Variants in LRFN5 observed in about 807,000 individuals in gnomAD.
LRFN5 encodes leucine-rich repeat and fibronectin type-III domain-containing protein 5.
In LRFN5, 24 loss-of-function variants were observed where a neutral mutation model predicts 45.6. That is an observed-to-expected ratio of 0.53 (90% CI 0.38 to 0.74). LRFN5 has a LOEUF of 0.74. LRFN5 is among the 30% of genes least tolerant of loss of function. The probability of loss-of-function intolerance (pLI) is 0.00; values close to 1 mark genes in which losing one functional copy is unlikely to be tolerated. For missense variants in LRFN5, 776 were observed against 861.5 expected (o/e 0.90, Z 1.24); for synonymous variants, 340 against 313.8 (o/e 1.08, Z -0.88).
chr14:41,856,823 C>T (rs1258029044), intron 2 of LRFN5, among the ~76,000 whole-genome samples: 3 of 146,822 alleles, frequency 2.0e-5, no homozygotes, highest in Non-Finnish European at 4.5e-5. Flanking sequence ...ACTACAGGCG[C>T]CCGCCACTGC....
chr14:41,891,167 A>G (rs1201776332), intron 3 of LRFN5, 83 bp from the exon 4 acceptor site: 1 of 1,006,618 alleles, frequency 9.9e-7, no homozygotes, highest in South Asian at 1.4e-5. Flanking sequence ...TACTGAAATG[A>G]CACTGAACTA....
intron 1 of LRFN5, among the ~76,000 whole-genome samples, chr14:41,706,351 CG>C (rs1326247999): frequency 6.6e-6 from 1 of 152,162 alleles, no homozygotes; most frequent in Non-Finnish European, 1.5e-5. Context: ...CCTCCAACCT[CG>C]GCCTCCCAAA....
chr14:41,751,624 A>C (rs1031874425), intron 1 of LRFN5, among the ~76,000 whole-genome samples: 2 of 152,034 alleles, frequency 1.3e-5, no homozygotes, highest in Admixed American at 1.3e-4. Context: ...CACTCTGAGG[A>C]TGCAGAGAAG....
rs1887918364 is a variant in LRFN5 at position 41,616,119 on chromosome 14, A to G, written c.-197+7557A>G. 2.0e-5 allele frequency among the ~76,000 whole-genome samples: 3 copies of G among 152,120 alleles called. No individual in the cohort carries two copies. The South Asian group carries it at 6.2e-4, about 31-fold the overall frequency. Reference sequence around the variant, plus strand: ...TTAAATCTTTCCCAATAAATAGAGAAAATTCACTCATACATTTTAATGTTA... The same window carrying G: ...TTAAATCTTTCCCAATAAATAGAGAGAATTCACTCATACATTTTAATGTTA... On this transcript the variant is annotated intron_variant, in intron 1 of 5. Transcript: ENST00000298119.
intron 2 of LRFN5, among the ~76,000 whole-genome samples, chr14:41,776,372 C>T (rs567232027): frequency 1.3e-5 from 2 of 152,032 alleles, no homozygotes; most frequent in Admixed American, 6.5e-5. Context: ...GTGAGTATCC[C>T]CGTTTTGGTG....
At chr14:41,690,798 G>GA (rs898384073) in intron 1 of LRFN5, among the ~76,000 whole-genome samples, 18 of 151,982 alleles carry the variant, frequency 1.2e-4, no homozygotes, top group African/African-American at 4.1e-4. Flanking sequence ...AATTTGGTGA[G>GA]AAAAAATAAA....
chr14:41,690,439 G>A (rs79700928), intron 1 of LRFN5, among the ~76,000 whole-genome samples: 5,076 of 152,182 alleles, frequency 0.033, 143 homozygotes, highest in African/African-American at 0.085. Flanking sequence ...TGTAGTCGCA[G>A]CTACTCAAGA....
chr14:41,904,267 A>G lies in LRFN5; in HGVS notation c.*92A>G. The G allele has an allele frequency of 3.5e-6, 5 of 1,408,902 alleles. No individual in the cohort carries two copies. The highest frequency in any genetic ancestry group is 5.0e-6 in the Non-Finnish European group (5 of 1,002,678). 87.3% of individuals were successfully genotyped at this position (1,408,902 alleles called of 1,614,324 possible). On this transcript the variant is annotated 3_prime_UTR_variant, in exon 6 of 6. Transcript: ENST00000298119. ...AAAATGTTTCAATTCACAAAGGCTA[A>G]TTGTTGAACTGGTGTCGTAGAAGAA...
intron 1 of LRFN5, among the ~76,000 whole-genome samples, chr14:41,696,158 G>A (rs541051105): frequency 2.0e-5 from 3 of 152,004 alleles, no homozygotes; most frequent in South Asian, 2.1e-4. Flanking sequence ...AAAAATAGAA[G>A]TGGAGCCTGA....
intron 1 of LRFN5, among the ~76,000 whole-genome samples, chr14:41,757,137 C>G (rs1204372928): frequency 6.6e-6 from 1 of 152,132 alleles, no homozygotes; most frequent in Non-Finnish European, 1.5e-5. Context: ...CAGAGGAGTA[C>G]CCGGCCGTGT....
chr14:41,670,294 T>G (rs1304684353), intron 1 of LRFN5, among the ~76,000 whole-genome samples: 1 of 64,648 alleles, frequency 1.5e-5, no homozygotes, highest in Non-Finnish European at 2.8e-5. Context: ...TATATATATA[T>G]ATATATATAT....
chr14:41,753,135 T>C (rs1885212934), intron 1 of LRFN5, among the ~76,000 whole-genome samples: 1 of 152,024 alleles, frequency 6.6e-6, no homozygotes, highest in Admixed American at 6.6e-5. Flanking sequence ...ATTTCTGTTT[T>C]GGTACCAGTA....
At chr14:41,783,545 T>G (rs1202801457) in intron 2 of LRFN5, among the ~76,000 whole-genome samples, 6 of 152,126 alleles carry the variant, frequency 3.9e-5, no homozygotes, top group Non-Finnish European at 8.8e-5. Flanking sequence ...TAGTGGCCAT[T>G]TTGGTTGGTA....
chr14:41,839,853 G>A (rs1007622257), intron 2 of LRFN5, among the ~76,000 whole-genome samples: 2 of 152,052 alleles, frequency 1.3e-5, no homozygotes, highest in Non-Finnish European at 2.9e-5. Context: ...GCTAAAGCAT[G>A]CTGTGTGCAC....
intron 2 of LRFN5, among the ~76,000 whole-genome samples, chr14:41,777,119 G>A (rs2138907189): frequency 6.6e-6 from 1 of 151,812 alleles, no homozygotes; most frequent in Admixed American, 6.5e-5. Context: ...TGTCTCAATA[G>A]ATTGTGGAAT....
chr14:41,782,718 G>A (rs1029094018), intron 2 of LRFN5, among the ~76,000 whole-genome samples: 1 of 152,162 alleles, frequency 6.6e-6, no homozygotes, highest in Non-Finnish European at 1.5e-5. Flanking sequence ...GAAGGTGCCA[G>A]AGGCTGTAAA....
intron 2 of LRFN5, among the ~76,000 whole-genome samples, chr14:41,846,930 G>A (rs952214623): frequency 3.9e-5 from 6 of 151,948 alleles, no homozygotes; most frequent in South Asian, 2.1e-4. Context: ...GTTGGGCCCC[G>A]TCCCCTCATG....
chr14:41,780,210 T>G (rs1315251092), intron 2 of LRFN5, among the ~76,000 whole-genome samples: 2 of 152,026 alleles, frequency 1.3e-5, no homozygotes, highest in African/African-American at 4.8e-5. Context: ...TTTCTTATTA[T>G]CCAAATGTTT....
rs555930635 is a variant in LRFN5 at position 41,679,364 on chromosome 14, G to A, written c.-197+70802G>A. On this transcript the variant is annotated intron_variant, in intron 1 of 5. Transcript: ENST00000298119. ...GAGAGACTCCTTCATTCTGCTTGAG[G>A]AGAAGTGAGGGAAGAGTAAAGAGGA... 1.4e-4 allele frequency among the ~76,000 whole-genome samples: 21 copies of A among 152,142 alleles called. No individual in the cohort carries two copies. The South Asian group carries it at 4.4e-3, about 32-fold the overall frequency.
Sources: allele counts gnomAD v4.1 joint callset (sites outside exome capture counted in the v4.1 genomes callset), GRCh38; gene constraint gnomAD v4.1.1; transcripts MANE v1.5; gene names NCBI Gene and HGNC (gene_info 2026-07-23, HGNC 2026-07-21).